The following INVS variants were observed in gnomAD, a reference collection of about 807,000 sequenced individuals.
INVS encodes inversion of embryo turning homolog.
INVS carries 86 observed loss-of-function variants against 108.8 expected under a neutral mutation model. The observed-to-expected ratio is 0.79, with a 90% CI of 0.66 to 0.95. INVS has a LOEUF of 0.95. Among genes scored for constraint, INVS ranks in the 40% least tolerant of loss-of-function variants. The pLI, the probability that INVS is intolerant of heterozygous loss-of-function variation, is 0.00. For synonymous variants in INVS, 455 were observed against 473.5 expected (o/e 0.96, Z 0.51); for missense variants, 1,169 against 1,297.4 (o/e 0.90, Z 1.52).
Position 100,284,520 on chromosome 9 carries a change from C to T in INVS, c.1985C>T (p.Pro662Leu). The T allele has an allele frequency of 1.2e-6, 2 of 1,614,088 alleles. No homozygotes were observed. Among genetic ancestry groups the T allele is most frequent in the Non-Finnish European group, 1.7e-6 (2 of 1,179,962 alleles). The change falls in exon 13 of 17, where the codon CCA becomes CTA. Residue 662 changes from proline to leucine, a missense_variant. Transcript: ENST00000262457. Reference sequence around the variant, plus strand: ...GAGCCAAGAGACAGCAGAGGATCTCCAGGAGGGTCTCTAGGCGGAGCCCTC... The same window carrying T: ...GAGCCAAGAGACAGCAGAGGATCTCTAGGAGGGTCTCTAGGCGGAGCCCTC... ...GPEPRDSRGS[P>L]GGSLGGALQK...
At chr9:100,136,247 A>C (rs1179028646) in intron 3 of INVS, among the ~76,000 whole-genome samples, 1 of 152,176 alleles carries the variant, frequency 6.6e-6, no homozygotes, top group African/African-American at 2.4e-5. Context: ...TAATGGGGTT[A>C]TTGATCAGGA....
intron 3 of INVS, among the ~76,000 whole-genome samples, chr9:100,179,634 T>C (rs1829820899): frequency 1.3e-5 from 2 of 151,944 alleles, no homozygotes; most frequent in South Asian, 4.2e-4. Context: ...ACCACCCAGA[T>C]TCATAAAGCA....
chr9:100,101,339 G>T (rs1483053261), intron 1 of INVS: 1 of 151,890 alleles, frequency 6.6e-6, no homozygotes, highest in Admixed American at 6.6e-5. Flanking sequence ...ACACACTGCT[G>T]ATTATAAATA....
chr9:100,179,660 A>G (rs1829821598), intron 3 of INVS, among the ~76,000 whole-genome samples: 1 of 152,168 alleles, frequency 6.6e-6, no homozygotes, highest in South Asian at 2.1e-4. Flanking sequence ...TCAGAGACCT[A>G]CAAAGAGACT....
At chr9:100,239,976 G>C in intron 5 of INVS, 84 bp from the exon 6 acceptor site, 2 of 1,295,016 alleles carry the variant, frequency 1.5e-6, no homozygotes, top group Non-Finnish European at 2.2e-6. Context: ...CTCTAAAAAA[G>C]AAAGAAAGAA....
At chr9:100,240,567 C>A (rs938240508) in intron 6 of INVS, among the ~76,000 whole-genome samples, 1 of 151,998 alleles carries the variant, frequency 6.6e-6, no homozygotes, top group African/African-American at 2.4e-5. Context: ...TATGTTTATG[C>A]TAATACTATG....
In INVS at chr9:100,105,682, TTTCAGCTC is replaced by T. The variant is rs1471249528; in HGVS notation, c.106+1056_106+1063del. Among the ~76,000 whole-genome samples the T allele has an allele frequency of 2.0e-5, 3 of 152,198 alleles. No homozygotes were observed. The East Asian group carries it at 5.8e-4, about 29-fold the overall frequency. ...TCTACCATTCAACTAAAACTCTTAC[TTTCAGCTC>T]ACTTACTGATGACAAACAATAGTTT... is the stretch of plus-strand genomic sequence containing the variant. On this transcript the variant is annotated intron_variant, in intron 2 of 16. Coordinates refer to ENST00000262457, the MANE Select transcript of INVS (RefSeq NM_014425.5).
At chr9:100,288,656 T>C (rs150075310) in intron 13 of INVS, among the ~76,000 whole-genome samples, 21 of 152,026 alleles carry the variant, frequency 1.4e-4, no homozygotes, top group Non-Finnish European at 2.8e-4. Flanking sequence ...GGTCTCACCC[T>C]GTCACCCAGG....
intron 3 of INVS, among the ~76,000 whole-genome samples, chr9:100,176,854 G>C (rs1343958534): frequency 1.3e-5 from 2 of 151,988 alleles, no homozygotes; most frequent in Admixed American, 6.6e-5. Flanking sequence ...AGCCCCTTTG[G>C]CTCTGTGTTT....
intron 12 of INVS, among the ~76,000 whole-genome samples, chr9:100,282,415 G>A (rs191701830): frequency 6.6e-6 from 1 of 152,242 alleles, no homozygotes; most frequent in East Asian, 1.9e-4. Flanking sequence ...TCGGTAATGG[G>A]ACTCAGTAGA....
At chr9:100,115,371 T>C (rs531679244) in intron 2 of INVS, among the ~76,000 whole-genome samples, 1 of 152,234 alleles carries the variant, frequency 6.6e-6, no homozygotes, top group East Asian at 1.9e-4. Context: ...TTGTTACATA[T>C]GTATACATGT....
At chr9:100,151,358 G>A (rs953677893) in intron 3 of INVS, among the ~76,000 whole-genome samples, 2 of 151,962 alleles carry the variant, frequency 1.3e-5, no homozygotes, top group Non-Finnish European at 2.9e-5. Flanking sequence ...GCATGCCTGT[G>A]GTCCTAGCCA....
intron 13 of INVS, among the ~76,000 whole-genome samples, chr9:100,289,475 T>G (rs1833546750): frequency 6.6e-6 from 1 of 152,220 alleles, no homozygotes; most frequent in Non-Finnish European, 1.5e-5. Flanking sequence ...ACTAAGTGGC[T>G]TAAAACAACA....
intron 13 of INVS, among the ~76,000 whole-genome samples, chr9:100,290,212 A>G (rs1291358348): frequency 6.6e-6 from 1 of 151,984 alleles, no homozygotes; most frequent in Non-Finnish European, 1.5e-5. Flanking sequence ...CATCTCTACT[A>G]TCCAGCTCCC....
chr9:100,192,509 G>A (rs1171384120), intron 3 of INVS, among the ~76,000 whole-genome samples: 1 of 152,082 alleles, frequency 6.6e-6, no homozygotes, highest in East Asian at 1.9e-4. Flanking sequence ...TGAATAAACT[G>A]AAAAAATTAA....
At chr9:100,274,447 A>G (rs370517492) in intron 12 of INVS, among the ~76,000 whole-genome samples, 1 of 152,250 alleles carries the variant, frequency 6.6e-6, no homozygotes, top group Non-Finnish European at 1.5e-5. Context: ...TTCAAATAGC[A>G]GCAGTGCATC....
intron 6 of INVS, among the ~76,000 whole-genome samples, 197 bp downstream of exon 6, chr9:100,240,437 A>T (rs1391243097): frequency 6.6e-6 from 1 of 152,106 alleles, no homozygotes; most frequent in Non-Finnish European, 1.5e-5. Flanking sequence ...TTTCAACATC[A>T]TATCTTCACT....
chr9:100,294,256 G>A (rs751426403), intron 14 of INVS, among the ~76,000 whole-genome samples: 3 of 152,108 alleles, frequency 2.0e-5, no homozygotes, highest in East Asian at 1.9e-4. Context: ...GAAATAATGC[G>A]GCACAGGTGT....
chr9:100,184,388 C>T (rs144454285), intron 3 of INVS, among the ~76,000 whole-genome samples: 21 of 152,224 alleles, frequency 1.4e-4, no homozygotes, highest in African/African-American at 3.4e-4. Context: ...GCTGGAAAAC[C>T]ATGCAGATCA....
Sources: allele counts gnomAD v4.1 joint callset (sites outside exome capture counted in the v4.1 genomes callset), GRCh38; gene constraint gnomAD v4.1.1; transcripts MANE v1.5; gene names NCBI Gene and HGNC (gene_info 2026-07-23, HGNC 2026-07-21).